DAO: variants seen among roughly 807,000 people sequenced by gnomAD.
The protein encoded by DAO is D-amino acid oxidase.
A neutral mutation model predicts 50.1 loss-of-function variants in DAO; 51 were observed. That is an observed-to-expected ratio of 1.02 (90% CI 0.81 to 1.29). The LOEUF is 1.29. Ranked by LOEUF, DAO falls within the 50% of genes most tolerant of loss-of-function variation. The probability of loss-of-function intolerance (pLI) is 0.00; values close to 1 mark genes in which losing one functional copy is unlikely to be tolerated. For synonymous variants in DAO, 160 were observed against 166.2 expected, an observed-to-expected ratio of 0.96 and a Z score of 0.29; for missense variants, 436 against 439.4, an observed-to-expected ratio of 0.99 and a Z score of 0.07.
Position 108,887,063 on chromosome 12 carries a change from G to A in DAO, c.195-387G>A, listed in dbSNP as rs116059961. ...GGGGAGGAGGAAAAGTTGTAGGAGC[G>A]GCAAGTCGATGTCTGCCACCAGTGT... On this transcript the variant is annotated intron_variant, in intron 2 of 10. Coordinates refer to ENST00000228476, the MANE Select transcript of DAO (RefSeq NM_001917.5). Among the ~76,000 whole-genome samples the A allele has an allele frequency of 1.0e-2, 1,519 of 152,246 alleles. 24 individuals carry two copies. The highest frequency in any genetic ancestry group is 0.034 in the African/African-American group (1,430 of 41,544).
chr12:108,897,776 C>T (rs990073279), intron 8 of DAO, among the ~76,000 whole-genome samples: 3 of 151,920 alleles, frequency 2.0e-5, no homozygotes, highest in Non-Finnish European at 4.4e-5. Context: ...GGCAAGACCC[C>T]GTCTCTACAA....
At chr12:108,885,460 A>G (rs966636883) in intron 2 of DAO, among the ~76,000 whole-genome samples, 6 of 152,130 alleles carry the variant, frequency 3.9e-5, no homozygotes, top group African/African-American at 1.4e-4. Flanking sequence ...AATACAAAAA[A>G]TTAGCCGGGC....
At chr12:108,899,567 C>A in intron 10 of DAO, 92 bp downstream of exon 10, 1 of 1,100,840 alleles carries the variant, frequency 9.1e-7, no homozygotes, top group Non-Finnish European at 1.4e-6. Flanking sequence ...ATCTCAAGTT[C>A]CACACAGGCT....
intron 6 of DAO, among the ~76,000 whole-genome samples, chr12:108,893,332 C>G (rs969424548): frequency 2.6e-5 from 4 of 152,130 alleles, no homozygotes; most frequent in Admixed American, 2.0e-4. Flanking sequence ...CAGCTGCACT[C>G]CAAGGTCAGA....
chr12:108,900,071 C>T (rs1412852650), intron 10 of DAO: 3 of 365,420 alleles, frequency 8.2e-6, no homozygotes, highest in Admixed American at 3.9e-5. Flanking sequence ...AGGGACAGTT[C>T]TCCCTATGCT....
intron 1 of DAO, among the ~76,000 whole-genome samples, chr12:108,882,191 G>C (rs948413449): frequency 6.6e-6 from 1 of 152,136 alleles, no homozygotes; most frequent in Non-Finnish European, 1.5e-5. Context: ...AGACAATAAG[G>C]CAAGGAGCTT....
At chr12:108,900,017 TA>T in intron 10 of DAO, 2 of 320,064 alleles carry the variant, frequency 6.2e-6, no homozygotes, top group Non-Finnish European at 1.2e-5. Context: ...GCAAGTCCAT[TA>T]CATGAATGAC....
intron 5 of DAO, among the ~76,000 whole-genome samples, chr12:108,892,584 C>A (rs948262434): frequency 6.6e-6 from 1 of 152,172 alleles, no homozygotes; most frequent in Non-Finnish European, 1.5e-5. Context: ...GGGAATTTGG[C>A]ACTGGTACAA....
At chr12:108,895,143 G>A (rs2039533332) in intron 7 of DAO, among the ~76,000 whole-genome samples, 2 of 149,894 alleles carry the variant, frequency 1.3e-5, no homozygotes, top group African/African-American at 5.0e-5. Flanking sequence ...AGTTCACACG[G>A]TAGTACGCAG....
intron 9 of DAO, 64 bp from the exon 10 acceptor site, chr12:108,899,313 C>A: frequency 8.5e-7 from 1 of 1,179,634 alleles, no homozygotes; most frequent in Non-Finnish European, 1.2e-6. Flanking sequence ...TAACTCCCTA[C>A]TACCTAAAAA....
intron 8 of DAO, among the ~76,000 whole-genome samples, chr12:108,897,979 ATGGGAG>A (rs2039579390): frequency 3.3e-5 from 5 of 151,750 alleles, no homozygotes; most frequent in Admixed American, 3.3e-4. Context: ...AATGGCAATA[ATGGGAG>A]TGGGAATGGG....
At chr12:108,884,300 G>T (rs763555758) in intron 1 of DAO, among the ~76,000 whole-genome samples, 4 of 152,200 alleles carry the variant, frequency 2.6e-5, no homozygotes, top group Non-Finnish European at 4.4e-5. Flanking sequence ...CATTTAACTG[G>T]CTGTGTGACT....
chr12:108,885,578 C>T (rs957332362), intron 2 of DAO, among the ~76,000 whole-genome samples: 9 of 151,688 alleles, frequency 5.9e-5, no homozygotes, highest in Non-Finnish European at 8.8e-5. Flanking sequence ...CCACTGCACT[C>T]GTGACAGAGT....
At chr12:108,890,953 C>A (rs146548118) in intron 5 of DAO, among the ~76,000 whole-genome samples, 1 of 152,026 alleles carries the variant, frequency 6.6e-6, no homozygotes, top group Non-Finnish European at 1.5e-5. Flanking sequence ...TGAGTAGCTG[C>A]GACTACAGGT....
At chr12:108,882,730 G>A (rs745795406) in intron 1 of DAO, among the ~76,000 whole-genome samples, 3 of 152,134 alleles carry the variant, frequency 2.0e-5, no homozygotes, top group African/African-American at 7.2e-5. Context: ...GCCCAAGTCA[G>A]GCTGCGAACC....
intron 8 of DAO, 135 bp downstream of exon 8, chr12:108,897,223 T>C (rs961078543): frequency 1.4e-6 from 1 of 692,848 alleles, no homozygotes; most frequent in Non-Finnish European, 2.6e-6. Context: ...TATTTTTTAT[T>C]ATTATTTTTT....
At position 108,892,455 on chromosome 12, in the gene DAO, C is replaced by T. The variant is rs540542933; in HGVS notation, c.453-527C>T. On this transcript the variant is annotated intron_variant, in intron 5 of 10. Coordinates refer to ENST00000228476, the MANE Select transcript of DAO (RefSeq NM_001917.5). ...TACTGGGATTACAGGCGTGAGCCAC[C>T]GCGCCTCGCTGTTTCTAGTGTATTT... is the stretch of plus-strand genomic sequence containing the variant. 9.9e-5 allele frequency among the ~76,000 whole-genome samples: 15 copies of T among 152,222 alleles called. No homozygotes were observed. The South Asian group carries it at 1.5e-3, about 15-fold the overall frequency.
At chr12:108,880,971 G>A (rs958301503) in intron 1 of DAO, among the ~76,000 whole-genome samples, 14 of 152,010 alleles carry the variant, frequency 9.2e-5, no homozygotes, top group African/African-American at 3.4e-4. Context: ...CGTAACCTTG[G>A]GTGGGTGACT....
intron 2 of DAO, 95 bp downstream of exon 2, chr12:108,885,295 G>A: frequency 8.2e-7 from 1 of 1,225,904 alleles, no homozygotes; most frequent in Non-Finnish European, 1.2e-6. Flanking sequence ...AGCCCCTTGT[G>A]GAAGCTCTGA....
Sources: gnomAD v4.1 joint callset for allele counts (sites outside exome capture counted in the v4.1 genomes callset) on GRCh38, gnomAD v4.1.1 for gene constraint, MANE v1.5 for transcripts, NCBI Gene and HGNC (gene_info 2026-07-23, HGNC 2026-07-21) for gene names.